Variants in GON4L observed in about 807,000 individuals in gnomAD.
GON4L encodes the protein GON-4-like protein.
In GON4L, 87 loss-of-function variants were observed where a neutral mutation model predicts 211.8. The ratio of observed to expected loss-of-function variants is 0.41; its 90% CI spans 0.35 to 0.49. The LOEUF (loss-of-function observed/expected upper bound fraction) is 0.49. Ranked by LOEUF, GON4L falls within the 20% of genes least tolerant of loss-of-function variation. GON4L has a pLI of 0.15. For synonymous variants in GON4L, 875 were observed against 962.6 expected (o/e 0.91, Z 1.68); for missense variants, 2,155 against 2,659.5 (o/e 0.81, Z 4.17).
Position 155,752,533 on chromosome 1 carries a change from C to T in GON4L, c.5900G>A (p.Arg1967Gln), listed in dbSNP as rs1425149449. 28 of 1,602,566 alleles carry T rather than the reference C, an allele frequency of 1.7e-5. No homozygotes were observed. Among genetic ancestry groups the T allele is most frequent in the Non-Finnish European group, 2.3e-5 (27 of 1,174,596 alleles). Residue 1967 changes from arginine (R) to glutamine (Q), a missense_variant, in exon 30 of 32, where the codon CGG (arginine) becomes CAG (glutamine). By Grantham distance (43) the Arg-to-Gln change is conservative. Transcript: ENST00000368331. ...PSPREVTVTE[R>Q]LLLDGPPPHS... is the part of the protein sequence containing the mutation. ...AGGTGGTGGGCCATCCAGGAGGAGCCGTTCTGTAACAGTCACTTCTCGAGG... is the reference window on the plus strand; with the variant it reads ...AGGTGGTGGGCCATCCAGGAGGAGCTGTTCTGTAACAGTCACTTCTCGAGG...
intron 21 of GON4L, among the ~76,000 whole-genome samples, chr1:155,764,019 C>CA (rs1291363188): frequency 0.092 from 2,963 of 32,328 alleles, 86 homozygotes; most frequent in South Asian, 0.21. Context: ...AAAACAAAAA[C>CA]AAACAAAAAA....
intron 1 of GON4L, among the ~76,000 whole-genome samples, chr1:155,854,901 G>T (rs1482300716): frequency 1.3e-5 from 2 of 152,102 alleles, no homozygotes; most frequent in Non-Finnish European, 2.9e-5. Context: ...CGGGCGTGGT[G>T]GCACACGCCT....
chr1:155,822,556 G>A, intron 3 of GON4L, 80 bp from the exon 4 acceptor site: 1 of 995,716 alleles, frequency 1.0e-6, no homozygotes, highest in Non-Finnish European at 1.6e-6. Flanking sequence ...ACAGTAAAGT[G>A]GATAAATCTC....
upstream of GON4L, among the ~76,000 whole-genome samples, chr1:155,858,684 G>T (rs1247940187): frequency 3.5e-4 from 23 of 65,094 alleles, no homozygotes; most frequent in African/African-American, 6.1e-4. Flanking sequence ...ATATCCATCT[G>T]TTTTACGTGT....
intron 21 of GON4L, chr1:155,764,704 G>T: frequency 1.3e-6 from 1 of 786,208 alleles, no homozygotes; most frequent in Non-Finnish European, 2.1e-6. Flanking sequence ...CTCCCAAAGT[G>T]CTGGGACTAC....
downstream of GON4L, chr1:155,749,182 G>A (rs1660369750): frequency 8.9e-7 from 1 of 1,122,996 alleles, no homozygotes; most frequent in South Asian, 1.5e-5. Flanking sequence ...AACCTGGGAG[G>A]TGGAGGTTGC....
At chr1:155,838,561 G>C (rs961746315) in intron 2 of GON4L, among the ~76,000 whole-genome samples, 4 of 152,034 alleles carry the variant, frequency 2.6e-5, no homozygotes, top group African/African-American at 9.7e-5. Context: ...GATCACTTGA[G>C]GTCAGGAGTT....
At chr1:155,815,984 AG>A in intron 7 of GON4L, 84 bp from the exon 8 acceptor site, 3 of 856,512 alleles carry the variant, frequency 3.5e-6, no homozygotes, top group Middle Eastern at 2.3e-4. Context: ...GAAGCAGGGC[AG>A]AAAAAAAAAA....
intron 14 of GON4L, among the ~76,000 whole-genome samples, chr1:155,778,056 C>T (rs1256961103): frequency 6.6e-6 from 1 of 152,150 alleles, no homozygotes; most frequent in Non-Finnish European, 1.5e-5. Context: ...TAAAATTCCT[C>T]TTCTAAATAA....
At chr1:155,777,104 A>G (rs904382630) in intron 15 of GON4L, among the ~76,000 whole-genome samples, 14 of 152,226 alleles carry the variant, frequency 9.2e-5, no homozygotes, top group African/African-American at 2.9e-4. Context: ...TTTGAAATCT[A>G]TATTTCTGAA....
chr1:155,838,113 T>C (rs1479418987), intron 2 of GON4L, among the ~76,000 whole-genome samples: 4 of 151,806 alleles, frequency 2.6e-5, no homozygotes, highest in Non-Finnish European at 5.9e-5. Flanking sequence ...CAAAAAAAAT[T>C]AGCCAGGTGT....
chr1:155,784,783 T>C (rs1217268306), intron 13 of GON4L: 1 of 185,140 alleles, frequency 5.4e-6, no homozygotes, highest in African/African-American at 2.4e-5. Flanking sequence ...TGACAATCTT[T>C]AAGGACACAC....
intron 11 of GON4L, among the ~76,000 whole-genome samples, chr1:155,801,029 G>A (rs1006391340): frequency 7.0e-6 from 1 of 143,106 alleles, no homozygotes; most frequent in Non-Finnish European, 1.5e-5. Context: ...AGAACTATCT[G>A]TCCTTGGGCA....
At chr1:155,754,524 GTTTTTT>G (rs760971402) in intron 27 of GON4L, 36 bp from the exon 28 acceptor site, 143 of 477,042 alleles carry the variant, frequency 3.0e-4, no homozygotes, top group African/African-American at 6.9e-4. Flanking sequence ...CTGCCAAGTT[GTTTTTT>G]TTTTTTTTTT....
At position 155,852,841 on chromosome 1, in the gene GON4L, G is replaced by C. The variant is rs550784421; in HGVS notation, c.505+435C>G. Among the ~76,000 whole-genome samples the C allele has an allele frequency of 7.4e-4, 111 of 151,002 alleles. 1 individual carries two copies. The highest frequency in any genetic ancestry group is 2.6e-3 in the African/African-American group (106 of 41,084). ...ATAAAGTTCACTGCTGGCCAGGCAC[G>C]GTGGCTCACACCTGTAATCCCAGCA... is the stretch of plus-strand genomic sequence containing the variant. On this transcript the variant is annotated intron_variant, in intron 2 of 31. Transcript: ENST00000368331.
At position 155,765,704 on chromosome 1, in the gene GON4L, G is replaced by A; in HGVS notation, c.3769C>T (p.Leu1257Phe). The A allele has an allele frequency of 1.2e-6, 2 of 1,614,240 alleles. No individual in the cohort carries two copies. Among genetic ancestry groups the A allele is most frequent in the South Asian group, 1.1e-5 (1 of 91,080 alleles). Residue 1257 changes from leucine (L) to phenylalanine (F), a missense_variant, in exon 21 of 32, where the codon CTC becomes TTC. This residue lies in a region of GON4L where 615 missense variants were observed against 625.7 expected (regional missense o/e 0.98). Coordinates refer to ENST00000368331, the MANE Select transcript of GON4L (RefSeq NM_001282860.2). Reference protein sequence around the residue: ...PKLEPQELSPLSATVFPKVEH... With the variant: ...PKLEPQELSPFSATVFPKVEH... ...ACTTTCGGGAAAACAGTAGCAGAGA[G>A]AGGAGATAGTTCCTGGGGCTCTAAT... is the stretch of plus-strand genomic sequence containing the variant.
rs370530799 is a variant in GON4L, at chr1:155,752,176, T to C, written c.6257A>G (p.Lys2086Arg). 29 of 1,613,558 alleles carry C rather than the reference T, an allele frequency of 1.8e-5. No homozygotes were observed. The African/African-American group carries it at 3.7e-4, about 21-fold the overall frequency. The change falls in exon 30 of 32, where the codon AAG becomes AGG. Residue 2086 changes from lysine to arginine, a missense_variant. Around this residue, in one of 6 missense-constraint regions of GON4L, gnomAD observed 186 missense variants for 308.1 expected, o/e 0.60. Transcript: ENST00000368331. ...RWLPSSRARVKTRDRTCPVHE... is the reference protein window; with the variant it reads ...RWLPSSRARVRTRDRTCPVHE... ...GACAGGGCACGTCCTGTCTCTTGTC[T>C]TCACCCGAGCTCTGCTTGAGGGCAG...
At chr1:155,751,201 G>C (rs1222321826) in intron 31 of GON4L, among the ~76,000 whole-genome samples, 3 of 152,154 alleles carry the variant, frequency 2.0e-5, no homozygotes, top group Non-Finnish European at 4.4e-5. Context: ...TAAATGTTTT[G>C]CCCAAAGTCA....
intron 2 of GON4L, among the ~76,000 whole-genome samples, chr1:155,851,530 AC>A (rs754930115): frequency 1.5e-4 from 22 of 151,646 alleles, no homozygotes; most frequent in Admixed American, 6.6e-5. Flanking sequence ...AAGCTGGCTA[AC>A]CTGGTGAAAC....
Sources: gnomAD v4.1 joint callset for allele counts (sites outside exome capture counted in the v4.1 genomes callset) on GRCh38, gnomAD v4.1.1 for gene constraint, gnomAD v4.1.1 regional missense constraint, MANE v1.5 for transcripts, NCBI Gene and HGNC (gene_info 2026-07-23, HGNC 2026-07-21) for gene names.